Variants in MYO1B observed in about 807,000 individuals in gnomAD.
The protein encoded by MYO1B is unconventional myosin-Ib.
A neutral mutation model predicts 159.7 loss-of-function variants in MYO1B; 72 were observed. That is an observed-to-expected ratio of 0.45 (90% CI 0.37 to 0.55). The LOEUF is 0.55. Ranked by LOEUF, MYO1B falls within the 20% of genes least tolerant of loss-of-function variation. MYO1B has a pLI of 0.00. For missense variants in MYO1B, 1,062 were observed against 1,364.8 expected (o/e 0.78, Z 3.50); for synonymous variants, 468 against 473.8 (o/e 0.99, Z 0.16).
At chr2:191,319,646 G>T (rs1204624469) in intron 3 of MYO1B, among the ~76,000 whole-genome samples, 1 of 152,126 alleles carries the variant, frequency 6.6e-6, no homozygotes, top group Non-Finnish European at 1.5e-5. Flanking sequence ...ACCACATTAG[G>T]ATCATGTCAG....
intron 5 of MYO1B, among the ~76,000 whole-genome samples, chr2:191,341,993 C>A (rs184847494): frequency 2.6e-5 from 4 of 152,154 alleles, no homozygotes; most frequent in African/African-American, 7.2e-5. Context: ...AAAGCCTAAA[C>A]CTGACTGGAG....
At chr2:191,340,513 A>G (rs1347305081) in intron 4 of MYO1B, among the ~76,000 whole-genome samples, 1 of 152,126 alleles carries the variant, frequency 6.6e-6, no homozygotes, top group Non-Finnish European at 1.5e-5. Flanking sequence ...AGTTTGAGCT[A>G]AAAAATTTTT....
chr2:191,348,971 C>G (rs562703950), intron 6 of MYO1B, among the ~76,000 whole-genome samples: 1 of 152,336 alleles, frequency 6.6e-6, no homozygotes, highest in South Asian at 2.1e-4. Flanking sequence ...GGTCTCCCAC[C>G]TCCTTGCCCA....
chr2:191,397,899 G>C, intron 21 of MYO1B, among the ~76,000 whole-genome samples: 1 of 126,510 alleles, frequency 7.9e-6, no homozygotes, highest in Non-Finnish European at 1.7e-5. Context: ...GGGGCGGCCG[G>C]GCAGAGGCGC....
chr2:191,335,576 A>C (rs1440951664), intron 4 of MYO1B, among the ~76,000 whole-genome samples: 1 of 152,210 alleles, frequency 6.6e-6, no homozygotes, highest in African/African-American at 2.4e-5. Flanking sequence ...ATATCATCTT[A>C]TGCACTAAAA....
chr2:191,307,575 C>T (rs1377073502), intron 3 of MYO1B, among the ~76,000 whole-genome samples: 1 of 152,136 alleles, frequency 6.6e-6, no homozygotes, highest in African/African-American at 2.4e-5. Flanking sequence ...TGGAGTTGCT[C>T]TGGTTCGAAC....
At chr2:191,371,544 C>T (rs1694366356) in intron 13 of MYO1B, among the ~76,000 whole-genome samples, 1 of 152,172 alleles carries the variant, frequency 6.6e-6, no homozygotes. Flanking sequence ...TAAAGCTCCT[C>T]AGGTCAACTA....
intron 26 of MYO1B, among the ~76,000 whole-genome samples, chr2:191,410,654 G>A (rs1249319476): frequency 6.6e-6 from 1 of 152,130 alleles, no homozygotes; most frequent in Non-Finnish European, 1.5e-5. Context: ...GTATTGTTTT[G>A]TGACGCTTTT....
intron 4 of MYO1B, among the ~76,000 whole-genome samples, chr2:191,336,908 A>T (rs114557832): frequency 6.9e-6 from 1 of 143,944 alleles, no homozygotes; most frequent in Non-Finnish European, 1.5e-5. Flanking sequence ...AGATAAATAA[A>T]TGTGTACGAA....
At chr2:191,259,799 C>T (rs1290939463) in intron 1 of MYO1B, among the ~76,000 whole-genome samples, 2 of 151,982 alleles carry the variant, frequency 1.3e-5, no homozygotes, top group South Asian at 2.1e-4. Context: ...TAGTTTCTGG[C>T]TTGTGTGATG....
intron 27 of MYO1B, 54 bp downstream of exon 27, chr2:191,411,226 T>C: frequency 8.3e-7 from 1 of 1,206,612 alleles, no homozygotes; most frequent in South Asian, 1.4e-5. Flanking sequence ...GTTTCTCAAG[T>C]ATATTTGTAC....
chr2:191,385,861 C>G (rs1161095976), intron 15 of MYO1B, 23 bp from the exon 16 acceptor site: 1 of 1,611,012 alleles, frequency 6.2e-7, no homozygotes, highest in Non-Finnish European at 8.5e-7. Context: ...AGGAAGGAAA[C>G]TTTTTTATTT....
At chr2:191,262,726 C>T (rs991395428) in intron 1 of MYO1B, among the ~76,000 whole-genome samples, 5 of 152,168 alleles carry the variant, frequency 3.3e-5, no homozygotes, top group African/African-American at 1.2e-4. Flanking sequence ...CATCAGGCTC[C>T]TATACCGGCC....
At chr2:191,404,441 AT>A (rs2126145289) in intron 24 of MYO1B, among the ~76,000 whole-genome samples, 1 of 152,328 alleles carries the variant, frequency 6.6e-6, no homozygotes, top group South Asian at 2.1e-4. Flanking sequence ...CTGCTTTCCT[AT>A]ACTATTATAA....
intron 2 of MYO1B, among the ~76,000 whole-genome samples, chr2:191,283,573 A>G (rs1688189587): frequency 6.6e-6 from 1 of 152,212 alleles, no homozygotes; most frequent in African/African-American, 2.4e-5. Context: ...TTTAATTTTC[A>G]CTAGAGTCCT....
intron 3 of MYO1B, among the ~76,000 whole-genome samples, chr2:191,312,139 A>G (rs1574402849): frequency 6.6e-6 from 1 of 152,206 alleles, no homozygotes; most frequent in Non-Finnish European, 1.5e-5. Context: ...TTGATCTTTA[A>G]TAGGACTCTT....
At chr2:191,393,350 C>T in intron 20 of MYO1B, 128 bp downstream of exon 20, 1 of 1,090,360 alleles carries the variant, frequency 9.2e-7, no homozygotes, top group South Asian at 1.9e-5. Flanking sequence ...AATGGATGTT[C>T]TTAATGGTTC....
chr2:191,400,900 G>C (rs1003717100), intron 23 of MYO1B, 65 bp downstream of exon 23: 43 of 1,457,328 alleles, frequency 3.0e-5, no homozygotes, highest in African/African-American at 4.2e-5. Flanking sequence ...CTTACCTCTA[G>C]CCTATTAGGG....
In MYO1B at chr2:191,390,386, C is replaced by T. The variant is rs530569178; in HGVS notation, c.1876C>T (p.Arg626Ter). The T allele has an allele frequency of 2.5e-6, 4 of 1,614,184 alleles. No homozygotes were observed. Among genetic ancestry groups the T allele is most frequent in the Non-Finnish European group, 3.4e-6 (4 of 1,180,026 alleles). The change falls in exon 18 of 31, where the codon CGA becomes TGA. Residue 626 changes from arginine (R) to a stop codon, truncating the protein, a stop_gained. Coordinates refer to ENST00000392318, the MANE Select transcript of MYO1B (RefSeq NM_001130158.3). LOFTEE classifies it high-confidence loss of function. ...GTACCTGGGGCTTTTGGAGAACGTC[C>T]GAGTGCGGAGGGCAGGCTACGCCTT... ...IRYLGLLENV[R>*]VRRAGYAFRQ... is the part of the protein sequence containing the mutation.
Sources: gnomAD v4.1 joint callset for allele counts (sites outside exome capture counted in the v4.1 genomes callset) on GRCh38, gnomAD v4.1.1 for gene constraint, MANE v1.5 for transcripts, NCBI Gene and HGNC (gene_info 2026-07-23, HGNC 2026-07-21) for gene names.